The following CAMSAP3 variants were observed in gnomAD, a reference collection of about 807,000 sequenced individuals.
The protein encoded by CAMSAP3 is calmodulin-regulated spectrin-associated protein 3.
CAMSAP3 carries 34 observed loss-of-function variants against 112.5 expected under a neutral mutation model. That is an observed-to-expected ratio of 0.30 (90% CI 0.23 to 0.40). The LOEUF (loss-of-function observed/expected upper bound fraction) is 0.40, where lower values mean the gene tolerates loss of function less well. Ranked by LOEUF, CAMSAP3 falls within the 10% of genes least tolerant of loss-of-function variation. The pLI, the probability that CAMSAP3 is intolerant of heterozygous loss-of-function variation, is 1.00. For missense variants in CAMSAP3, 1,602 were observed against 1,770.3 expected (o/e 0.90, Z 1.71); for synonymous variants, 868 against 799.8 (o/e 1.09, Z -1.44).
intron 1 of CAMSAP3, among the ~76,000 whole-genome samples, chr19:7,596,985 C>A (rs1413369973): frequency 6.6e-6 from 1 of 152,178 alleles, no homozygotes; most frequent in Non-Finnish European, 1.5e-5. Context: ...ATTAGAGGCC[C>A]TGGAAACACT....
chr19:7,616,396 G>A (rs1033649272), intron 13 of CAMSAP3, 127 bp from the exon 14 acceptor site: 2 of 694,560 alleles, frequency 2.9e-6, no homozygotes, highest in Non-Finnish European at 2.6e-6. Flanking sequence ...CCATAGGGGT[G>A]CTGCAGAGGG....
rs977946668 is a variant in CAMSAP3 at position 7,617,220 on chromosome 19, G to A, written c.3213-106G>A. Reference sequence around the variant, plus strand: ...GCATGAGCCACGATGCCCAGCCGTGGCCCTTATTTTCCTTGGCCCCTCTGC... The same window carrying A: ...GCATGAGCCACGATGCCCAGCCGTGACCCTTATTTTCCTTGGCCCCTCTGC... On this transcript the variant is annotated intron_variant, in intron 14 of 16. Coordinates refer to ENST00000160298, the MANE Select transcript of CAMSAP3 (RefSeq NM_020902.2). The surrounding 1 kb of genome is among the most constrained non-coding windows in gnomAD (Gnocchi z 7.5). 3.7e-6 allele frequency: 3 copies of A among 802,708 alleles called. No individual in the cohort carries two copies. The highest frequency in any genetic ancestry group is 6.5e-6 in the Non-Finnish European group (3 of 459,056). 49.7% of individuals were successfully genotyped at this position (802,708 alleles called of 1,614,324 possible).
At position 7,595,877 on chromosome 19, in the gene CAMSAP3, AGCGGCGGCGGCG is replaced by A. The variant is rs539455375; in HGVS notation, c.-114_-103del. 4 of 280,066 alleles carry A rather than the reference AGCGGCGGCGGCG, an allele frequency of 1.4e-5. No homozygotes were observed. The highest frequency in any genetic ancestry group is 2.3e-5 in the African/African-American group (1 of 43,908). 17.3% of individuals were successfully genotyped at this position (280,066 alleles called of 1,614,324 possible). A position where few individuals can be genotyped will look rare whatever the true frequency, so the allele number is the denominator to read the frequency against. ...CGCAAGCGGCCGCACCTGGCTCAGCAGCGGCGGCGGCGGCGGCGGCGGCAGCGGCGGTAGCAG... is the reference window on the plus strand; with the variant it reads ...CGCAAGCGGCCGCACCTGGCTCAGCAGCGGCGGCGGCAGCGGCGGTAGCAG... On this transcript the variant is annotated 5_prime_UTR_variant, in exon 1 of 17. Coordinates refer to ENST00000160298, the MANE Select transcript of CAMSAP3 (RefSeq NM_020902.2).
intron 2 of CAMSAP3, 148 bp downstream of exon 2, chr19:7,605,627 C>A: frequency 1.0e-6 from 1 of 960,646 alleles, no homozygotes; most frequent in Non-Finnish European, 1.4e-6. Context: ...CTCCTCCCAT[C>A]AGGCTTGGCT....
At chr19:7,599,755 G>A (rs1341598262) in intron 1 of CAMSAP3, among the ~76,000 whole-genome samples, 11 of 49,182 alleles carry the variant, frequency 2.2e-4, no homozygotes, top group Admixed American at 7.8e-4. Flanking sequence ...ATCCAACCAC[G>A]CACTCATCCA....
At position 7,617,677 on chromosome 19, in the gene CAMSAP3, C is replaced by T. The variant is rs758216057; in HGVS notation, c.3444+16C>T. The T allele has an allele frequency of 3.0e-5, 48 of 1,612,688 alleles. No individual in the cohort carries two copies. The highest frequency in any genetic ancestry group is 3.6e-5 in the Non-Finnish European group (43 of 1,178,878). The stretch of plus-strand genomic sequence containing the variant: ...CATTCTGGAGGTGAGCCCGCCCACA[C>T]GTGGGAGTTGGGGGCTGGTGGGTGG... On this transcript the variant is annotated intron_variant, in intron 16 of 16. Coordinates refer to ENST00000160298, the MANE Select transcript of CAMSAP3 (RefSeq NM_020902.2). The surrounding 1 kb of genome is among the most constrained non-coding windows in gnomAD (Gnocchi z 7.5).
intron 2 of CAMSAP3, among the ~76,000 whole-genome samples, 192 bp downstream of exon 2, chr19:7,605,671 C>T (rs1243086176): frequency 6.6e-6 from 1 of 150,446 alleles, no homozygotes; most frequent in South Asian, 2.1e-4. Flanking sequence ...GGCCTGGCTC[C>T]TCCCCTCAAG....
At chr19:7,613,881 T>C (rs564542902) in intron 11 of CAMSAP3, among the ~76,000 whole-genome samples, 6 of 152,132 alleles carry the variant, frequency 3.9e-5, no homozygotes, top group Non-Finnish European at 7.4e-5. Flanking sequence ...GACTGGCCTC[T>C]GCTGCCTGCC....
At position 7,607,871 on chromosome 19, in the gene CAMSAP3, A is replaced by T; in HGVS notation, c.622-255A>T. ...AGTCGGGGAGCAAACCCCCCATGGTAATGTATCCCCCGCCCCGGGGTCCCA... is the reference window on the plus strand; with the variant it reads ...AGTCGGGGAGCAAACCCCCCATGGTTATGTATCCCCCGCCCCGGGGTCCCA... On this transcript the variant is annotated intron_variant, in intron 4 of 16. Coordinates refer to ENST00000160298, the MANE Select transcript of CAMSAP3 (RefSeq NM_020902.2). The surrounding 1 kb of genome is among the most constrained non-coding windows in gnomAD (Gnocchi z 4.9). 1 of 1,177,720 alleles carries T rather than the reference A, an allele frequency of 8.5e-7. No individual in the cohort carries two copies. The highest frequency in any genetic ancestry group is 1.2e-6 in the Non-Finnish European group (1 of 828,614). 73.0% of individuals were successfully genotyped at this position (1,177,720 alleles called of 1,614,324 possible). A position where few individuals can be genotyped will look rare whatever the true frequency, so the allele number is the denominator to read the frequency against.
Position 7,617,478 on chromosome 19 carries a change from C to T in CAMSAP3, c.3325+40C>T, listed in dbSNP as rs778639901. 2.6e-5 allele frequency: 42 copies of T among 1,604,426 alleles called. No individual in the cohort carries two copies. The highest frequency in any genetic ancestry group is 3.3e-5 in the Non-Finnish European group (39 of 1,171,196). On this transcript the variant is annotated intron_variant, in intron 15 of 16. Transcript: ENST00000160298. This position sits in a 1 kb window ranked among gnomAD's most constrained non-coding sequence, Gnocchi z 7.5. ...TGGGTGATGTGAGGAGCAACAGGCA[C>T]CCTCCTCCACAGCCCCTGCTCATTC...
intron 1 of CAMSAP3, among the ~76,000 whole-genome samples, chr19:7,601,468 G>A (rs1167173384): frequency 1.3e-5 from 2 of 151,970 alleles, no homozygotes; most frequent in East Asian, 1.9e-4. Flanking sequence ...ACAGACATGC[G>A]CCACCACGCC....
At position 7,606,501 on chromosome 19, in the gene CAMSAP3, C is replaced by A; in HGVS notation, c.551C>A (p.Thr184Asn). 6.4e-7 allele frequency: 1 copy of A among 1,572,322 alleles called. No homozygotes were observed. Residue 184 changes from threonine (T) to asparagine (N), a missense_variant, in exon 4 of 17, where the codon ACC (threonine) becomes AAC (asparagine). Thr to Asn is a moderately conservative substitution (Grantham distance 65, BLOSUM62 0). Around this residue, in one of 6 missense-constraint regions of CAMSAP3, gnomAD observed 112 missense variants for 94.2 expected, o/e 1.19. Transcript: ENST00000160298. Reference protein sequence around the residue: ...DTTVRRLQEKTEQEAAQRASP... With the variant: ...DTTVRRLQEKNEQEAAQRASP... ...ACCGTCCGGCGGCTGCAGGAGAAGA[C>A]CGAGCAGGAAGCGGCCCAGCGAGCC...
intron 1 of CAMSAP3, among the ~76,000 whole-genome samples, chr19:7,601,711 CTAAAATAAAA>C (rs55921076): frequency 0.017 from 2,213 of 133,086 alleles, 55 homozygotes; most frequent in African/African-American, 0.056. Context: ...GACCCCATCT[CTAAAATAAAA>C]TAAAATAAAA....
In CAMSAP3 at chr19:7,613,127, G is replaced by A; in HGVS notation, c.2634G>A (p.Glu878=). The A allele has an allele frequency of 6.5e-7, 1 of 1,543,728 alleles. No individual in the cohort carries two copies. Among genetic ancestry groups the A allele is most frequent in the African/African-American group, 1.4e-5 (1 of 72,572 alleles). ...CCTTGGAGGAGGAGGCGTCTTCGGA[G>A]GGGGAGCCCCGGGTGGGGCTGGGGT... ...EDSLEEEASS[E]GEPRVGLGFF... Residue 878 remains glutamate, a synonymous_variant, in exon 11 of 17, where the codon GAG becomes GAA. Transcript: ENST00000160298.
intron 4 of CAMSAP3, chr19:7,606,951 G>T (rs1258989024): frequency 1.2e-6 from 1 of 860,106 alleles, no homozygotes; most frequent in African/African-American, 1.7e-5. Context: ...CCCAGTCCTG[G>T]GAGACAGGGA....
Position 7,613,738 on chromosome 19 carries a change from C to T in CAMSAP3, c.2670+575C>T, listed in dbSNP as rs367544681. 3.2e-4 allele frequency among the ~76,000 whole-genome samples: 48 copies of T among 152,082 alleles called. No homozygotes were observed. In the East Asian group the frequency reaches 4.0e-3, roughly 13 times the overall value. Reference sequence around the variant, plus strand: ...ACGGACAGGACCAGGATCTTCAGCGCACCTCCTTGCTCATCCTCTCCTTCA... The same window carrying T: ...ACGGACAGGACCAGGATCTTCAGCGTACCTCCTTGCTCATCCTCTCCTTCA... On this transcript the variant is annotated intron_variant, in intron 11 of 16. Transcript: ENST00000160298.
At chr19:7,606,448 G>A (rs2030226817) in intron 3 of CAMSAP3, 28 bp from the exon 4 acceptor site, 1 of 1,608,934 alleles carries the variant, frequency 6.2e-7, no homozygotes, top group African/African-American at 1.3e-5. Context: ...CCAGTGGCCA[G>A]ACCACTGACC....
rs1599335473 is a variant in CAMSAP3, at chr19:7,596,157, G to C, written c.148+7G>C. On this transcript the variant is annotated splice_region_variant and intron_variant, in intron 1 of 16. Coordinates refer to ENST00000160298, the MANE Select transcript of CAMSAP3 (RefSeq NM_020902.2). ...GCCGCGTTCGGGGGCGCAGGTACCG[G>C]GGCTCGGGGGACCGGGGTCGGGGGC... is the stretch of plus-strand genomic sequence containing the variant. 3 of 1,062,626 alleles carry C rather than the reference G, an allele frequency of 2.8e-6. No homozygotes were observed. The highest frequency in any genetic ancestry group is 2.3e-6 in the Non-Finnish European group (2 of 871,208). 65.8% of individuals were successfully genotyped at this position (1,062,626 alleles called of 1,614,324 possible).
intron 1 of CAMSAP3, 26 bp downstream of exon 1, chr19:7,596,176 CG>C: frequency 7.3e-5 from 5 of 68,158 alleles, no homozygotes; most frequent in Non-Finnish European, 9.2e-5. Context: ...GGACCGGGGT[CG>C]GGGGCGGCGG....
Sources: gnomAD v4.1 joint callset for allele counts (sites outside exome capture counted in the v4.1 genomes callset) on GRCh38, gnomAD v4.1.1 for gene constraint, gnomAD v4.1.1 regional missense constraint, Gnocchi (gnomAD v3.1) non-coding constraint, MANE v1.5 for transcripts, NCBI Gene and HGNC (gene_info 2026-07-23, HGNC 2026-07-21) for gene names.